The following RGS6 variants were observed in gnomAD, a reference collection of about 807,000 sequenced individuals.
The protein encoded by RGS6 is regulator of G protein signaling 6, also known as regulator of G-protein signaling 6.
RGS6 carries 30 observed loss-of-function variants against 78.5 expected under a neutral mutation model. That is an observed-to-expected ratio of 0.38 (90% CI 0.29 to 0.52). The LOEUF (loss-of-function observed/expected upper bound fraction) is 0.52, where lower values mean the gene tolerates loss of function less well. RGS6 is among the 20% of genes least tolerant of loss of function. The pLI is 0.85. For synonymous variants in RGS6, 206 were observed against 206.0 expected, an observed-to-expected ratio of 1.00 and a Z score of 0.00; for missense variants, 495 against 609.7, an observed-to-expected ratio of 0.81 and a Z score of 1.98.
intron 12 of RGS6, among the ~76,000 whole-genome samples, chr14:72,488,589 G>T (rs187220770): frequency 2.4e-3 from 371 of 152,226 alleles, no homozygotes; most frequent in Non-Finnish European, 4.1e-3. Context: ...CATTTCCTTA[G>T]TTGCTCTCTG....
intron 2 of RGS6, among the ~76,000 whole-genome samples, chr14:72,130,127 A>G (rs1334379268): frequency 6.6e-6 from 1 of 152,196 alleles, no homozygotes; most frequent in Non-Finnish European, 1.5e-5. Context: ...GAACTAAGGA[A>G]AGTGCTATAC....
the RGS6 span, among the ~76,000 whole-genome samples, chr14:71,873,151 A>G: frequency 2.6e-5 from 4 of 152,338 alleles, no homozygotes; most frequent in African/African-American, 7.2e-5. Flanking sequence ...CTTTGGGTAT[A>G]TATCCAGTAA....
At chr14:72,305,944 G>T (rs1159558978) in intron 2 of RGS6, among the ~76,000 whole-genome samples, 1 of 152,176 alleles carries the variant, frequency 6.6e-6, no homozygotes, top group Non-Finnish European at 1.5e-5. Context: ...AAAATTGAAA[G>T]TGCTACTCCA....
chr14:72,134,911 G>A (rs2096406330), intron 2 of RGS6, among the ~76,000 whole-genome samples: 1 of 152,126 alleles, frequency 6.6e-6, no homozygotes, highest in African/African-American at 2.4e-5. Flanking sequence ...AACAGATTGG[G>A]TGGTGTCCGC....
intron 2 of RGS6, among the ~76,000 whole-genome samples, chr14:71,993,834 G>A (rs2095075370): frequency 6.6e-6 from 1 of 151,980 alleles, no homozygotes; most frequent in Non-Finnish European, 1.5e-5. Context: ...GAAGCTTACT[G>A]GATTAGAAGA....
intron 2 of RGS6, among the ~76,000 whole-genome samples, chr14:72,309,217 C>A (rs116887276): frequency 6.6e-6 from 1 of 152,184 alleles, no homozygotes; most frequent in Non-Finnish European, 1.5e-5. Context: ...TCCCCAGCAC[C>A]CTCAGAGGTC....
At chr14:72,629,237 G>T in the RGS6 span, among the ~76,000 whole-genome samples, 1 of 152,216 alleles carries the variant, frequency 6.6e-6, no homozygotes, top group East Asian at 1.9e-4. Flanking sequence ...TGGTATTTAT[G>T]AAATAAGATT....
the RGS6 span, among the ~76,000 whole-genome samples, chr14:71,881,557 G>A: frequency 3.3e-5 from 5 of 152,180 alleles, no homozygotes; most frequent in Non-Finnish European, 7.4e-5. Context: ...GGCTTTATAA[G>A]GGGAAACCCC....
At chr14:72,251,677 G>A (rs2055820834) in intron 2 of RGS6, among the ~76,000 whole-genome samples, 3 of 152,148 alleles carry the variant, frequency 2.0e-5, no homozygotes, top group African/African-American at 7.2e-5. Flanking sequence ...TGGACATAAA[G>A]ATGGGAACAA....
chr14:71,884,804 G>T, the RGS6 span, among the ~76,000 whole-genome samples: 2 of 152,122 alleles, frequency 1.3e-5, no homozygotes, highest in Non-Finnish European at 2.9e-5. Context: ...AATCCTAATA[G>T]AACTCATTTC....
intron 6 of RGS6, among the ~76,000 whole-genome samples, chr14:72,464,448 G>A (rs980065470): frequency 6.6e-6 from 1 of 152,156 alleles, no homozygotes; most frequent in African/African-American, 2.4e-5. Context: ...CATACCAGAG[G>A]GTAGGCTGCT....
At chr14:72,387,417 C>T (rs1349188168) in intron 3 of RGS6, among the ~76,000 whole-genome samples, 4 of 151,926 alleles carry the variant, frequency 2.6e-5, no homozygotes, top group East Asian at 3.9e-4. Flanking sequence ...GGTATGGTGG[C>T]GGGCGCCTGT....
intron 2 of RGS6, among the ~76,000 whole-genome samples, chr14:72,238,423 G>A (rs1309450960): frequency 6.6e-6 from 1 of 152,142 alleles, no homozygotes. Context: ...TCTCCTGTCT[G>A]TATCGCTATG....
chr14:71,961,197 A>G (rs1410512541), intron 1 of RGS6, among the ~76,000 whole-genome samples: 1 of 152,172 alleles, frequency 6.6e-6, no homozygotes, highest in Non-Finnish European at 1.5e-5. Context: ...TGTCATGAAT[A>G]GAGGAGATGG....
chr14:72,445,622 A>T (rs1210437383), intron 3 of RGS6, among the ~76,000 whole-genome samples: 2 of 152,162 alleles, frequency 1.3e-5, no homozygotes, highest in Non-Finnish European at 2.9e-5. Flanking sequence ...TTGAGGAAAA[A>T]TTTAAAACAT....
At chr14:72,535,858 T>C (rs540886072) in intron 15 of RGS6, among the ~76,000 whole-genome samples, 1 of 152,362 alleles carries the variant, frequency 6.6e-6, no homozygotes, top group South Asian at 2.1e-4. Context: ...TCCAAGTTGT[T>C]GTTGGGTGTA....
rs1301976413 is a variant in RGS6 at position 72,399,817 on chromosome 14, G to A, written c.184+47623G>A. Among the ~76,000 whole-genome samples the A allele has an allele frequency of 5.3e-5, 8 of 152,242 alleles. No individual in the cohort carries two copies. The East Asian group carries it at 1.5e-3, about 29-fold the overall frequency. On this transcript the variant is annotated intron_variant, in intron 3 of 17. Coordinates refer to ENST00000553525, the MANE Select transcript of RGS6 (RefSeq NM_001204424.2). ...CTTAGTTTGAAATGAATGAAATGAA[G>A]CATGAAGAGAAGTTTAGAGAAAAAA...
chr14:72,317,241 C>CAAT (rs1256152468), intron 2 of RGS6, among the ~76,000 whole-genome samples: 6 of 151,728 alleles, frequency 4.0e-5, no homozygotes, highest in Non-Finnish European at 8.8e-5. Context: ...GTATTGCTGC[C>CAAT]AATAATAATA....
At chr14:72,134,552 A>G (rs1198374904) in intron 2 of RGS6, among the ~76,000 whole-genome samples, 2 of 152,232 alleles carry the variant, frequency 1.3e-5, no homozygotes, top group Non-Finnish European at 2.9e-5. Context: ...GCCATTTAAC[A>G]TGTGTGTTAG....
Sources: gnomAD v4.1 joint callset for allele counts (sites outside exome capture counted in the v4.1 genomes callset) on GRCh38, gnomAD v4.1.1 for gene constraint, MANE v1.5 for transcripts, NCBI Gene and HGNC (gene_info 2026-07-23, HGNC 2026-07-21) for gene names.